Variants in MAX observed in about 807,000 individuals in gnomAD.
The protein encoded by MAX is protein max.
A neutral mutation model predicts 22.3 loss-of-function variants in MAX; 3 were observed. The ratio of observed to expected loss-of-function variants is 0.13; its 90% CI spans 0.06 to 0.35. The LOEUF (loss-of-function observed/expected upper bound fraction) is 0.35. MAX is among the 10% of genes least tolerant of loss of function. MAX has a pLI of 1.00. For synonymous variants in MAX, 72 were observed against 77.7 expected, an observed-to-expected ratio of 0.93 and a Z score of 0.39; for missense variants, 119 against 209.4, an observed-to-expected ratio of 0.57 and a Z score of 2.66.
chr14:65,033,439 C>T (rs1186381650), intron 3 of MAX, among the ~76,000 whole-genome samples: 1 of 152,202 alleles, frequency 6.6e-6, no homozygotes, highest in Non-Finnish European at 1.5e-5. Context: ...GAGACTTCAG[C>T]TGTAATAGTT....
chr14:65,079,515 G>A lies in MAX; in HGVS notation c.172-1479C>T, dbSNP rs1056311053. On this transcript the variant is annotated intron_variant, in intron 3 of 4. Transcript: ENST00000358664. This position sits in a 1 kb window ranked among gnomAD's most constrained non-coding sequence, Gnocchi z 4.5. ...GGCCAGGCAGCCAGCCAAACTGGTAGAATAGTACAAAGCCAAGCGAAGCTC... is the reference window on the plus strand; with the variant it reads ...GGCCAGGCAGCCAGCCAAACTGGTAAAATAGTACAAAGCCAAGCGAAGCTC... Among the ~76,000 whole-genome samples, 1 of 152,246 alleles carries A rather than the reference G, an allele frequency of 6.6e-6. No individual in the cohort carries two copies. The highest frequency in any genetic ancestry group is 6.5e-5 in the Admixed American group (1 of 15,288).
rs562212938 is a variant in MAX, at chr14:65,036,196, T to C, written c.172-29912A>G. ...CCACTGCTCTGTGTCATAGTTTCCT[T>C]ATATGTCAAGTGGTGGGATACTGAA... is the stretch of plus-strand genomic sequence containing the variant. On this transcript the variant is annotated intron_variant, in intron 3 of 3. Coordinates refer to the MAX transcript ENST00000341653. Among the ~76,000 whole-genome samples, 15 of 152,268 alleles carry C rather than the reference T, an allele frequency of 9.9e-5. No individual in the cohort carries two copies. In the South Asian group the frequency reaches 1.4e-3, roughly 15 times the overall value.
At chr14:65,049,540 C>T (rs2062560758) in intron 3 of MAX, among the ~76,000 whole-genome samples, 1 of 152,160 alleles carries the variant, frequency 6.6e-6, no homozygotes, top group African/African-American at 2.4e-5. Flanking sequence ...TTCAGGATAT[C>T]TGGAAGCTCC....
chr14:65,061,727 G>C (rs1278712474), intron 3 of MAX: 1 of 174,162 alleles, frequency 5.7e-6, no homozygotes, highest in Non-Finnish European at 1.3e-5. Context: ...GGTGGAATAA[G>C]TCTGCTTCAT....
intron 3 of MAX, among the ~76,000 whole-genome samples, chr14:65,058,270 G>A (rs10142987): frequency 0.14 from 19,975 of 142,446 alleles, 1,699 homozygotes; most frequent in African/African-American, 0.26. Context: ...TTTTTTTTTC[G>A]GTTAGAGTTA....
chr14:65,012,193 G>A lies in MAX; in HGVS notation c.172-5909C>T. ...AACCAGAGAAGTTGCTGGTTATCCA[G>A]TCAGTGATTGCAGGGGGACGTCCTG... is the stretch of plus-strand genomic sequence containing the variant. On this transcript the variant is annotated intron_variant, in intron 3 of 3. Transcript: ENST00000341653. The surrounding 1 kb of genome is among the most constrained non-coding windows in gnomAD (Gnocchi z 5.0). 8.5e-7 allele frequency: 1 copy of A among 1,176,710 alleles called. No homozygotes were observed. Among genetic ancestry groups the A allele is most frequent in the Non-Finnish European group, 1.2e-6 (1 of 816,458 alleles). 72.9% of individuals were successfully genotyped at this position (1,176,710 alleles called of 1,614,324 possible). A position where few individuals can be genotyped will look rare whatever the true frequency, so the allele number is the denominator to read the frequency against.
chr14:65,015,082 C>A (rs956851514), intron 3 of MAX, among the ~76,000 whole-genome samples: 2 of 150,994 alleles, frequency 1.3e-5, no homozygotes, highest in African/African-American at 2.4e-5. Context: ...TTTTTTTAAT[C>A]CTGTTGTCTT....
chr14:65,099,655 C>G (rs1219330994), intron 2 of MAX, among the ~76,000 whole-genome samples: 1 of 152,080 alleles, frequency 6.6e-6, no homozygotes, highest in African/African-American at 2.4e-5. Flanking sequence ...TACCCTCCAG[C>G]TCTGATCAAG....
chr14:65,010,417 G>A (rs1449589774), intron 3 of MAX, among the ~76,000 whole-genome samples: 2 of 152,182 alleles, frequency 1.3e-5, no homozygotes, highest in Non-Finnish European at 2.9e-5. Flanking sequence ...CCAGCAGCCT[G>A]ATTGACATCA....
chr14:65,049,109 A>G (rs1566573742), intron 3 of MAX, among the ~76,000 whole-genome samples: 2 of 147,130 alleles, frequency 1.4e-5, no homozygotes, highest in Non-Finnish European at 3.0e-5. Context: ...CCTGGGTAAC[A>G]GGGCAGGACT....
chr14:65,101,762 G>A (rs988679467), intron 1 of MAX, 190 bp from the exon 2 acceptor site: 24 of 606,162 alleles, frequency 4.0e-5, no homozygotes, highest in Admixed American at 5.9e-5. Flanking sequence ...GCAGGGTAGA[G>A]GGGTCCCGAG....
chr14:65,026,237 C>CAG (rs1381649410), intron 3 of MAX, among the ~76,000 whole-genome samples: 2 of 152,202 alleles, frequency 1.3e-5, no homozygotes, highest in African/African-American at 4.8e-5. Flanking sequence ...GCTTGATAAC[C>CAG]AGGGCTTTCC....
At chr14:65,092,335 G>A (rs548449338) in intron 3 of MAX, among the ~76,000 whole-genome samples, 32 of 152,168 alleles carry the variant, frequency 2.1e-4, no homozygotes, top group Non-Finnish European at 4.1e-4. Context: ...TGAGACTTAG[G>A]AGAAGGCAGC....
At chr14:65,053,378 G>A in intron 3 of MAX, 1 of 1,382,744 alleles carries the variant, frequency 7.2e-7, no homozygotes, top group Non-Finnish European at 9.5e-7. Context: ...GGGAGGGAAG[G>A]GAGAGGGGAG....
At chr14:65,049,756 G>A (rs2062565130) in intron 3 of MAX, among the ~76,000 whole-genome samples, 1 of 152,062 alleles carries the variant, frequency 6.6e-6, no homozygotes, top group African/African-American at 2.4e-5. Flanking sequence ...GTGTAATGCA[G>A]TTTCCTAAAG....
At chr14:65,065,554 G>A (rs1462409160) in intron 3 of MAX, among the ~76,000 whole-genome samples, 3 of 152,138 alleles carry the variant, frequency 2.0e-5, no homozygotes, top group South Asian at 2.1e-4. Flanking sequence ...GCTTGTCACC[G>A]TACTGGATAC....
chr14:65,022,018 A>G (rs781426813), intron 3 of MAX: 10 of 455,886 alleles, frequency 2.2e-5, no homozygotes, highest in Non-Finnish European at 4.4e-5. Flanking sequence ...GTGCTTGATG[A>G]AGAGTCAAAT....
At chr14:65,066,514 G>A (rs1438702099) in intron 3 of MAX, among the ~76,000 whole-genome samples, 1 of 152,162 alleles carries the variant, frequency 6.6e-6, no homozygotes, top group East Asian at 1.9e-4. Flanking sequence ...ACTTTCCCTT[G>A]CCCTCTGCTC....
At chr14:65,101,712 C>A in intron 1 of MAX, 140 bp from the exon 2 acceptor site, 1 of 684,394 alleles carries the variant, frequency 1.5e-6, no homozygotes, top group Non-Finnish European at 2.6e-6. Flanking sequence ...TCCCTCCCCA[C>A]CCCTTGCCCC....
Sources: gnomAD v4.1 joint callset for allele counts (sites outside exome capture counted in the v4.1 genomes callset) on GRCh38, gnomAD v4.1.1 for gene constraint, Gnocchi (gnomAD v3.1) non-coding constraint, MANE v1.5 for transcripts, NCBI Gene and HGNC (gene_info 2026-07-23, HGNC 2026-07-21) for gene names.